The following UBE2D2 variants were observed in gnomAD, a reference collection of about 807,000 sequenced individuals.
UBE2D2 encodes the protein ubiquitin-conjugating enzyme E2 D2.
Under a neutral mutation model 24.2 loss-of-function variants are expected in UBE2D2, and 2 were observed. That is an observed-to-expected ratio of 0.08 (90% CI 0.03 to 0.26). UBE2D2 has a LOEUF of 0.26. UBE2D2 is among the 10% of genes least tolerant of loss of function. The pLI is 1.00. For synonymous variants in UBE2D2, 58 were observed against 56.5 expected, an observed-to-expected ratio of 1.03 and a Z score of -0.12; for missense variants, 44 against 177.6, an observed-to-expected ratio of 0.25 and a Z score of 4.28.
At chr5:139,560,628 A>T (rs1242736452), upstream of UBE2D2, among the ~76,000 whole-genome samples, 1 of 152,184 alleles carries the variant, frequency 6.6e-6, no homozygotes, top group Non-Finnish European at 1.5e-5. Context: ...CACCGCGCCC[A>T]GCCGTTGGTT....
chr5:139,549,674 A>G, intron 1 of UBE2D2, among the ~76,000 whole-genome samples: 1 of 152,094 alleles, frequency 6.6e-6, no homozygotes, highest in East Asian at 1.9e-4. Context: ...ACGGGGCGCC[A>G]CCCCCTGCTC....
At chr5:139,551,303 C>G (rs764839386) in intron 1 of UBE2D2, among the ~76,000 whole-genome samples, 1 of 152,088 alleles carries the variant, frequency 6.6e-6, no homozygotes, top group African/African-American at 2.4e-5. Context: ...GAGCTAAGAT[C>G]GTGCCATTGC....
intron 1 of UBE2D2, among the ~76,000 whole-genome samples, chr5:139,593,812 T>C (rs562808360): frequency 6.6e-6 from 1 of 152,216 alleles, no homozygotes; most frequent in South Asian, 2.1e-4. Flanking sequence ...GATAGAGTCT[T>C]ACTGTGTTGA....
chr5:139,597,141 G>T (rs1235048847), intron 1 of UBE2D2, among the ~76,000 whole-genome samples: 4 of 151,892 alleles, frequency 2.6e-5, no homozygotes, highest in Non-Finnish European at 5.9e-5. Context: ...AAATATAGTT[G>T]TCCAATCTCT....
At chr5:139,532,390 T>C (rs1373827819) in intron 1 of UBE2D2, among the ~76,000 whole-genome samples, 2 of 151,586 alleles carry the variant, frequency 1.3e-5, no homozygotes, top group Non-Finnish European at 2.9e-5. Context: ...CTCATTCTGT[T>C]GCCCAGGCTG....
At chr5:139,583,027 T>C (rs532165839) in intron 1 of UBE2D2, among the ~76,000 whole-genome samples, 1 of 149,000 alleles carries the variant, frequency 6.7e-6, no homozygotes, top group South Asian at 2.1e-4. Flanking sequence ...CGGGCTGGAG[T>C]GCAATGGCAC....
At chr5:139,611,580 A>G (rs919250413) in intron 2 of UBE2D2, among the ~76,000 whole-genome samples, 7 of 152,188 alleles carry the variant, frequency 4.6e-5, no homozygotes, top group Non-Finnish European at 7.3e-5. Flanking sequence ...GAAGCTGCCC[A>G]TTCCACTAAA....
At chr5:139,551,247 A>T (rs3178940) in intron 1 of UBE2D2, among the ~76,000 whole-genome samples, 7 of 152,126 alleles carry the variant, frequency 4.6e-5, no homozygotes, top group Non-Finnish European at 1.0e-4. Flanking sequence ...CCAGGAGGCT[A>T]AGGCAGGTCT....
chr5:139,548,297 C>T lies in UBE2D2; in HGVS notation c.-64+21685C>T, dbSNP rs1191414917. ...TGCACGGCCTCTCATTCAAGTGTTCCTCGTTTTCCCACCTCCTCTATAAGA... is the reference window on the plus strand; with the variant it reads ...TGCACGGCCTCTCATTCAAGTGTTCTTCGTTTTCCCACCTCCTCTATAAGA... On this transcript the variant is annotated intron_variant, in intron 1 of 6. Transcript: ENST00000511725. Among the ~76,000 whole-genome samples the T allele has an allele frequency of 1.0e-3, 156 of 151,336 alleles. 2 individuals are homozygous for T. Among genetic ancestry groups the T allele is most frequent in the Non-Finnish European group, 4.1e-4 (28 of 67,840 alleles).
chr5:139,618,383 T>C (rs1224526687), intron 5 of UBE2D2, among the ~76,000 whole-genome samples: 1 of 152,234 alleles, frequency 6.6e-6, no homozygotes, highest in Non-Finnish European at 1.5e-5. Flanking sequence ...TTTTTAAAGT[T>C]ATTACAACTT....
chr5:139,559,351 C>A (rs1246077025), upstream of UBE2D2, among the ~76,000 whole-genome samples: 1 of 150,974 alleles, frequency 6.6e-6, no homozygotes, highest in African/African-American at 2.4e-5. Flanking sequence ...GGCCTGAACC[C>A]GGGAGAAGAG....
chr5:139,604,880 T>TAAA (rs201379778), intron 2 of UBE2D2, among the ~76,000 whole-genome samples: 3 of 127,402 alleles, frequency 2.4e-5, no homozygotes, highest in Non-Finnish European at 5.0e-5. Flanking sequence ...ACCCAGTCTC[T>TAAA]AAAAAAAAAA....
chr5:139,558,313 A>G (rs1324141198), upstream of UBE2D2, among the ~76,000 whole-genome samples: 1 of 152,192 alleles, frequency 6.6e-6, no homozygotes, highest in Non-Finnish European at 1.5e-5. Flanking sequence ...TTTGAGACAG[A>G]GTCTTGCTCT....
intron 6 of UBE2D2, among the ~76,000 whole-genome samples, chr5:139,625,339 T>G (rs1212524890): frequency 1.4e-5 from 2 of 146,100 alleles, no homozygotes; most frequent in African/African-American, 5.1e-5. Flanking sequence ...GGTCTCTAAT[T>G]CCTGGCCTCA....
In UBE2D2 at chr5:139,548,193, A is replaced by AAAAAAAAAAATAAAT; in HGVS notation, c.-64+21584_-64+21585insAAAAAAATAAATAAA. Among the ~76,000 whole-genome samples the AAAAAAAAAAATAAAT allele has an allele frequency of 3.5e-3, 165 of 46,916 alleles. 5 individuals are homozygous for AAAAAAAAAAATAAAT. The highest frequency in any genetic ancestry group is 5.3e-3 in the South Asian group (8 of 1,510). 30.8% of individuals were successfully genotyped at this position (46,916 alleles called of 152,430 possible). On this transcript the variant is annotated intron_variant, in intron 1 of 6. Transcript: ENST00000511725. ...AAAAAAAAAAAAAAAATAAAAAAAA[A>AAAAAAAAAAATAAAT]AAATAAATAAATAAATAAATAAACG...
At chr5:139,615,185 G>T (rs1406053589) in intron 5 of UBE2D2, among the ~76,000 whole-genome samples, 2 of 152,124 alleles carry the variant, frequency 1.3e-5, no homozygotes, top group East Asian at 3.9e-4. Flanking sequence ...TCTAGCATAG[G>T]TTAGAAGATG....
chr5:139,537,508 C>A (rs577126454), intron 1 of UBE2D2, among the ~76,000 whole-genome samples: 1 of 152,050 alleles, frequency 6.6e-6, no homozygotes, highest in Admixed American at 6.5e-5. Flanking sequence ...GACAGTCTCG[C>A]TCTGTCACCC....
At chr5:139,531,881 G>C (rs2126626711) in intron 1 of UBE2D2, among the ~76,000 whole-genome samples, 1 of 152,160 alleles carries the variant, frequency 6.6e-6, no homozygotes, top group African/African-American at 2.4e-5. Context: ...CAGCTACTCG[G>C]GAGGCTAGGG....
intron 1 of UBE2D2, among the ~76,000 whole-genome samples, chr5:139,553,082 G>T (rs556056897): frequency 6.6e-6 from 1 of 152,280 alleles, no homozygotes; most frequent in Non-Finnish European, 1.5e-5. Context: ...GCCTTCTGAA[G>T]TGCTGGGATT....
Sources: allele counts gnomAD v4.1 joint callset (sites outside exome capture counted in the v4.1 genomes callset), GRCh38; gene constraint gnomAD v4.1.1; transcripts MANE v1.5; gene names NCBI Gene and HGNC (gene_info 2026-07-23, HGNC 2026-07-21).